Variants in HECW2 observed in about 807,000 individuals in gnomAD.
HECW2 encodes the protein E3 ubiquitin-protein ligase HECW2.
HECW2 carries 61 observed loss-of-function variants against 175.2 expected under a neutral mutation model. That is an observed-to-expected ratio of 0.35 (90% CI 0.28 to 0.43). The LOEUF (loss-of-function observed/expected upper bound fraction) is 0.43. HECW2 is among the 20% of genes least tolerant of loss of function. The pLI is 1.00. For synonymous variants in HECW2, 671 were observed against 731.0 expected, an observed-to-expected ratio of 0.92 and a Z score of 1.32; for missense variants, 1,524 against 2,000.5, an observed-to-expected ratio of 0.76 and a Z score of 4.54.
chr2:196,393,079 T>C (rs1694560469), intron 2 of HECW2, among the ~76,000 whole-genome samples: 3 of 151,858 alleles, frequency 2.0e-5, no homozygotes, highest in Admixed American at 2.0e-4. Context: ...TAATAAATGG[T>C]GCTAGGCTAG....
rs374552645 is a variant in HECW2 at position 196,347,510 on chromosome 2, C to T, written c.293-3746G>A. On this transcript the variant is annotated intron_variant, in intron 2 of 28. Coordinates refer to ENST00000644978, the MANE Select transcript of HECW2 (RefSeq NM_001348768.2). ...TACAGGCATGAGCCACCACACCTGG[C>T]CTGGTGAAATCTGTGACATTTAAAG... Among the ~76,000 whole-genome samples the T allele has an allele frequency of 1.1e-4, 16 of 152,320 alleles. No individual in the cohort carries two copies. In the East Asian group the frequency reaches 3.1e-3, roughly 29 times the overall value.
At chr2:196,236,884 G>A (rs531056328) in intron 21 of HECW2, among the ~76,000 whole-genome samples, 1 of 152,310 alleles carries the variant, frequency 6.6e-6, no homozygotes, top group East Asian at 1.9e-4. Context: ...TTTCTCTACT[G>A]TGAAGTTACT....
At chr2:196,273,449 G>A (rs1689825055) in intron 16 of HECW2, among the ~76,000 whole-genome samples, 1 of 152,078 alleles carries the variant, frequency 6.6e-6, no homozygotes, top group South Asian at 2.1e-4. Context: ...AGGCGCTCCA[G>A]GTTTGGCAAC....
At chr2:196,296,770 G>T (rs13432229) in intron 13 of HECW2, among the ~76,000 whole-genome samples, 3,745 of 152,204 alleles carry the variant, frequency 0.025, 160 homozygotes, top group African/African-American at 0.086. Flanking sequence ...TGAAACACAC[G>T]GACAGAATGA....
At chr2:196,539,571 C>G (rs1410972727) in intron 1 of HECW2, among the ~76,000 whole-genome samples, 1 of 152,036 alleles carries the variant, frequency 6.6e-6, no homozygotes, top group African/African-American at 2.4e-5. Flanking sequence ...GGAGGCGGAG[C>G]TTGCAGTGAG....
chr2:196,323,643 G>A (rs1692030700), intron 6 of HECW2, among the ~76,000 whole-genome samples: 1 of 151,584 alleles, frequency 6.6e-6, no homozygotes, highest in African/African-American at 2.4e-5. Flanking sequence ...TCTCTGAATA[G>A]CTAGTCCCAT....
At chr2:196,536,457 A>G (rs1689026037) in intron 1 of HECW2, among the ~76,000 whole-genome samples, 1 of 152,216 alleles carries the variant, frequency 6.6e-6, no homozygotes, top group Non-Finnish European at 1.5e-5. Flanking sequence ...AAGCCCACAG[A>G]TACTAAAAGT....
chr2:196,328,874 C>T (rs77472451), intron 5 of HECW2, among the ~76,000 whole-genome samples: 4,249 of 152,158 alleles, frequency 0.028, 179 homozygotes, highest in African/African-American at 0.096. Context: ...GTATGAAATA[C>T]ATTTTACATT....
chr2:196,540,720 A>T (rs1689181020), intron 1 of HECW2, among the ~76,000 whole-genome samples: 1 of 152,174 alleles, frequency 6.6e-6, no homozygotes, highest in African/African-American at 2.4e-5. Flanking sequence ...TATAAGCATC[A>T]GCCACTGCAC....
chr2:196,313,753 A>G (rs906214738), intron 10 of HECW2, among the ~76,000 whole-genome samples: 3 of 152,152 alleles, frequency 2.0e-5, no homozygotes, highest in African/African-American at 4.8e-5. Context: ...TGATAAAGAG[A>G]AAGAAAAAAG....
rs1686726237 is a variant in HECW2 at position 196,197,382 on chromosome 2, A to G, written c.*3895T>C. ...CCATCCCTATTAAAAATTTAAAAAT[A>G]AAATAAGGCTTCTGATTAATGTTTT... On this transcript the variant is annotated 3_prime_UTR_variant, in exon 29 of 29. Transcript: ENST00000644978. The G allele has an allele frequency of 6.6e-6, 1 of 151,258 alleles. No individual in the cohort carries two copies. The highest frequency in any genetic ancestry group is 1.5e-5 in the Non-Finnish European group (1 of 67,914). The allele number at this position is 151,258 out of a possible 1,614,324, so 9.4% of individuals were successfully genotyped here.
chr2:196,359,691 A>G (rs1007833334), intron 2 of HECW2, among the ~76,000 whole-genome samples: 1 of 152,242 alleles, frequency 6.6e-6, no homozygotes, highest in Admixed American at 6.5e-5. Flanking sequence ...GAGTTCATAT[A>G]ATATGGATGA....
At chr2:196,361,130 T>C (rs935090426) in intron 2 of HECW2, among the ~76,000 whole-genome samples, 1 of 152,186 alleles carries the variant, frequency 6.6e-6, no homozygotes, top group African/African-American at 2.4e-5. Flanking sequence ...AACTAAAATT[T>C]TGCCCTGGAG....
intron 14 of HECW2, among the ~76,000 whole-genome samples, chr2:196,279,595 A>G (rs964455930): frequency 2.0e-5 from 3 of 152,144 alleles, no homozygotes; most frequent in African/African-American, 7.2e-5. Flanking sequence ...AAACACTTCA[A>G]TTACATCACC....
In HECW2 at chr2:196,519,332, T is replaced by C. The variant is rs575691191; in HGVS notation, c.-36+74176A>G. 6.6e-5 allele frequency among the ~76,000 whole-genome samples: 10 copies of C among 152,292 alleles called. No homozygotes were observed. In the South Asian group the frequency reaches 2.1e-3, roughly 32 times the overall value. On this transcript the variant is annotated intron_variant, in intron 1 of 28. Coordinates refer to ENST00000644978, the MANE Select transcript of HECW2 (RefSeq NM_001348768.2). ...GAGCAGACATGCAAAGCCACTGTCA[T>C]CAATTTCTCCCACAATGTACTCAAC...
intron 1 of HECW2, among the ~76,000 whole-genome samples, chr2:196,447,934 C>A (rs1696234867): frequency 6.6e-6 from 1 of 152,142 alleles, no homozygotes; most frequent in African/African-American, 2.4e-5. Context: ...TGGCGCACAC[C>A]TGTAGTCCCA....
At chr2:196,549,918 C>T (rs1413814154) in intron 1 of HECW2, among the ~76,000 whole-genome samples, 1 of 152,096 alleles carries the variant, frequency 6.6e-6, no homozygotes, top group African/African-American at 2.4e-5. Context: ...GTGTAAATGG[C>T]AAGGTAAAGG....
chr2:196,445,039 T>C (rs1696144523), intron 1 of HECW2, among the ~76,000 whole-genome samples: 1 of 152,228 alleles, frequency 6.6e-6, no homozygotes, highest in Admixed American at 6.5e-5. Flanking sequence ...GAACACTCTC[T>C]TTTTGAAGAG....
Position 196,334,411 on chromosome 2 carries a change from G to A in HECW2, c.495+13C>T, listed in dbSNP as rs377019035. 1.0e-5 allele frequency: 16 copies of A among 1,593,902 alleles called. No homozygotes were observed. The African/African-American group carries it at 1.1e-4, about 11-fold the overall frequency. On this transcript the variant is annotated intron_variant, in intron 4 of 28. Transcript: ENST00000644978. ...TGGATCTCACAAGGAAGCTGGCAGCGAGGGGCACTCACCATCACAGCTGGG... is the reference window on the plus strand; with the variant it reads ...TGGATCTCACAAGGAAGCTGGCAGCAAGGGGCACTCACCATCACAGCTGGG...
Sources: gnomAD v4.1 joint callset for allele counts (sites outside exome capture counted in the v4.1 genomes callset) on GRCh38, gnomAD v4.1.1 for gene constraint, MANE v1.5 for transcripts, NCBI Gene and HGNC (gene_info 2026-07-23, HGNC 2026-07-21) for gene names.